Variants in CRACD observed in about 807,000 individuals in gnomAD.
CRACD encodes capping protein inhibiting regulator of actin dynamics, also known as capping protein-inhibiting regulator of actin dynamics.
In CRACD, 56 loss-of-function variants were observed where a neutral mutation model predicts 106.8. That is an observed-to-expected ratio of 0.52 (90% confidence interval 0.42 to 0.66). The LOEUF (loss-of-function observed/expected upper bound fraction) is 0.66, where lower values mean the gene tolerates loss of function less well. CRACD is among the 30% of genes least tolerant of loss of function. The probability of loss-of-function intolerance (pLI) is 0.00; values close to 1 mark genes in which losing one functional copy is unlikely to be tolerated. For missense variants in CRACD, 1,730 were observed against 1,623.2 expected (o/e 1.07, Z -1.13); for synonymous variants, 754 against 670.8 (o/e 1.12, Z -1.92).
chr4:56,155,737 A>G (rs1310270654), intron 1 of CRACD, among the ~76,000 whole-genome samples: 16 of 152,202 alleles, frequency 1.1e-4, no homozygotes, highest in Non-Finnish European at 1.5e-5. Flanking sequence ...CTTTCTGAGG[A>G]GAGCAGTGCT....
chr4:56,194,341 A>T (rs935234732), intron 2 of CRACD, among the ~76,000 whole-genome samples: 2 of 152,218 alleles, frequency 1.3e-5, no homozygotes, highest in Non-Finnish European at 2.9e-5. Context: ...GGGTGATGGG[A>T]TTTAAGTGAG....
At position 56,315,861 on chromosome 4, in the gene CRACD, G is replaced by A. The variant is rs766430270; in HGVS notation, c.2359G>A (p.Glu787Lys). ...GCACCGGGAGCCCGCAGACACCACC[G>A]AGGGATGCAAATTTGCCAAAGACCT... ...EMHREPADTT[E>K]GCKFAKDLPS... is the part of the protein sequence containing the mutation. The change falls in exon 8 of 11, where the codon GAG becomes AAG. Residue 787 changes from glutamate (E) to lysine (K), a missense_variant. Glu to Lys is a moderately conservative substitution (Grantham distance 56). This residue lies in a region of CRACD where 1,620 missense variants were observed against 1,481.6 expected (regional missense o/e 1.09). Transcript: ENST00000682029. This position sits in a 1 kb window ranked among gnomAD's most constrained non-coding sequence, Gnocchi z 4.1. 10 of 1,614,056 alleles carry A rather than the reference G, an allele frequency of 6.2e-6. No homozygotes were observed. In the African/African-American group the frequency reaches 8.0e-5, roughly 13 times the overall value.
At chr4:56,241,138 A>G (rs1014819328) in intron 2 of CRACD, among the ~76,000 whole-genome samples, 2 of 152,044 alleles carry the variant, frequency 1.3e-5, no homozygotes, top group African/African-American at 2.4e-5. Flanking sequence ...TGCTCATGAA[A>G]TTTTCCTTAG....
At chr4:56,313,094 C>CA in intron 6 of CRACD, 103 bp from the exon 7 acceptor site, 1 of 1,022,632 alleles carries the variant, frequency 9.8e-7, no homozygotes, top group Non-Finnish European at 1.5e-6. Context: ...TTCCCTGGGC[C>CA]AGGCTGGGCG....
chr4:56,301,263 G>A (rs1307081768), intron 4 of CRACD: 13 of 1,280,980 alleles, frequency 1.0e-5, no homozygotes, highest in Non-Finnish European at 1.2e-5. Flanking sequence ...TCGTAGAAGT[G>A]ATAGTAACTT....
chr4:56,122,295 T>A (rs1044752527), intron 1 of CRACD, among the ~76,000 whole-genome samples: 2 of 108,518 alleles, frequency 1.8e-5, no homozygotes, highest in East Asian at 2.6e-4. Context: ...GCATATAACC[T>A]CCAAATTGTA....
chr4:56,240,600 G>C (rs1226929225), intron 2 of CRACD, among the ~76,000 whole-genome samples: 1 of 152,174 alleles, frequency 6.6e-6, no homozygotes, highest in Non-Finnish European at 1.5e-5. Context: ...AAACTCCTGA[G>C]TTCAAGTGAT....
chr4:56,054,712 A>C (rs1731994749), intron 1 of CRACD, among the ~76,000 whole-genome samples: 1 of 152,216 alleles, frequency 6.6e-6, no homozygotes, highest in Non-Finnish European at 1.5e-5. Context: ...CCCTGAAGAG[A>C]TGTTTTTATA....
intron 1 of CRACD, among the ~76,000 whole-genome samples, chr4:56,158,851 A>G (rs1386393066): frequency 6.6e-6 from 1 of 152,244 alleles, no homozygotes; most frequent in Non-Finnish European, 1.5e-5. Flanking sequence ...CATTTTCAGC[A>G]TTGTCCTGTG....
At chr4:56,082,303 A>G (rs770433470) in intron 1 of CRACD, among the ~76,000 whole-genome samples, 83 of 152,198 alleles carry the variant, frequency 5.5e-4, no homozygotes, top group Non-Finnish European at 8.8e-4. Context: ...TGGAACAAAA[A>G]GATGAAATCC....
At chr4:56,235,608 C>G (rs376178991) in intron 2 of CRACD, among the ~76,000 whole-genome samples, 2 of 152,144 alleles carry the variant, frequency 1.3e-5, no homozygotes, top group Non-Finnish European at 2.9e-5. Context: ...GAAAGTCATA[C>G]GCTACATGCT....
At chr4:56,298,402 AG>A (rs1343858293) in intron 4 of CRACD, 53 bp downstream of exon 4, 100 of 1,601,786 alleles carry the variant, frequency 6.2e-5, no homozygotes, top group Non-Finnish European at 6.9e-5. Flanking sequence ...CCAGTTATGA[AG>A]GGAAGTGGGA....
chr4:56,231,950 A>G (rs764998159), intron 2 of CRACD, among the ~76,000 whole-genome samples: 21 of 152,230 alleles, frequency 1.4e-4, no homozygotes, highest in Non-Finnish European at 2.8e-4. Context: ...TGTATATGCT[A>G]TGCACCATGA....
At chr4:56,272,821 C>T (rs550518879) in intron 3 of CRACD, among the ~76,000 whole-genome samples, 30 of 151,880 alleles carry the variant, frequency 2.0e-4, no homozygotes, top group African/African-American at 6.3e-4. Context: ...CTTGCTTGAA[C>T]CCAGGAGGTG....
chr4:56,154,669 G>C (rs763823190), intron 1 of CRACD, among the ~76,000 whole-genome samples: 10 of 152,132 alleles, frequency 6.6e-5, no homozygotes, highest in Admixed American at 2.0e-4. Flanking sequence ...TAGCTCACAA[G>C]AGTCCTTTGA....
At chr4:56,188,553 C>T (rs575612509) in intron 2 of CRACD, among the ~76,000 whole-genome samples, 4 of 151,736 alleles carry the variant, frequency 2.6e-5, no homozygotes, top group African/African-American at 7.3e-5. Context: ...TGATACCTCC[C>T]GTTCCTGGAA....
At position 56,286,195 on chromosome 4, in the gene CRACD, C is replaced by T. The variant is rs538628775; in HGVS notation, c.-16-12019C>T. On this transcript the variant is annotated intron_variant, in intron 3 of 10. Coordinates refer to ENST00000682029, the MANE Select transcript of CRACD (RefSeq NM_001393381.1). ...ATCACTTGAGGCCAAGAGTTTGAGA[C>T]CAGCCTGGCCAACATGGCAAAACCC... 9.3e-4 allele frequency among the ~76,000 whole-genome samples: 141 copies of T among 152,106 alleles called. 1 individual carries two copies. Among genetic ancestry groups the T allele is most frequent in the Admixed American group, 1.6e-3 (24 of 15,286 alleles).
chr4:56,272,109 A>T (rs1742387044), intron 2 of CRACD, among the ~76,000 whole-genome samples: 1 of 152,182 alleles, frequency 6.6e-6, no homozygotes, highest in African/African-American at 2.4e-5. Context: ...ACGATTCACC[A>T]TGCCTTTGGC....
At chr4:56,130,599 G>A (rs553608823) in intron 1 of CRACD, among the ~76,000 whole-genome samples, 20 of 151,726 alleles carry the variant, frequency 1.3e-4, no homozygotes, top group Middle Eastern at 3.4e-3. Context: ...CAGAATTAAG[G>A]ACTTCCAGCT....
Sources: allele counts gnomAD v4.1 joint callset (sites outside exome capture counted in the v4.1 genomes callset), GRCh38; gene constraint gnomAD v4.1.1; regional missense constraint gnomAD v4.1.1; non-coding constraint Gnocchi (gnomAD v3.1); transcripts MANE v1.5; gene names NCBI Gene and HGNC (gene_info 2026-07-23, HGNC 2026-07-21).